TENM2: variants seen among roughly 807,000 people sequenced by gnomAD.
TENM2 encodes the protein teneurin transmembrane protein 2.
A neutral mutation model predicts 245.2 loss-of-function variants in TENM2; 52 were observed. That is an observed-to-expected ratio of 0.21 (90% confidence interval 0.17 to 0.27). The LOEUF (loss-of-function observed/expected upper bound fraction) is 0.27, where lower values mean the gene tolerates loss of function less well. Among genes scored for constraint, TENM2 ranks in the 10% least tolerant of loss-of-function variants. The probability of loss-of-function intolerance (pLI) is 1.00; values close to 1 mark genes in which losing one functional copy is unlikely to be tolerated. For synonymous variants in TENM2, 1,363 were observed against 1,438.9 expected (o/e 0.95, Z 1.19); for missense variants, 3,046 against 3,666.8 (o/e 0.83, Z 4.37).
intron 3 of TENM2, among the ~76,000 whole-genome samples, chr5:167,922,407 A>G (rs1355662114): frequency 6.7e-6 from 1 of 149,288 alleles, no homozygotes; most frequent in African/African-American, 2.5e-5. Flanking sequence ...GAATCACCAT[A>G]TCTCCCTAGA....
At chr5:167,774,378 G>C (rs908632343) in intron 2 of TENM2, among the ~76,000 whole-genome samples, 11 of 152,154 alleles carry the variant, frequency 7.2e-5, no homozygotes. Flanking sequence ...ACACCCCTTA[G>C]AGTTTACTTG....
chr5:167,069,818 T>C, the TENM2 span, among the ~76,000 whole-genome samples: 21 of 152,090 alleles, frequency 1.4e-4, no homozygotes, highest in Middle Eastern at 3.4e-3. Flanking sequence ...CTTGAAAATA[T>C]AGATCAAATC....
chr5:167,407,846 T>G (rs757100632), intron 2 of TENM2, among the ~76,000 whole-genome samples: 30 of 152,170 alleles, frequency 2.0e-4, no homozygotes, highest in Admixed American at 1.0e-3. Context: ...AACCACAAAC[T>G]GGCAGAAATT....
At chr5:167,112,550 A>G in the TENM2 span, among the ~76,000 whole-genome samples, 1 of 152,224 alleles carries the variant, frequency 6.6e-6, no homozygotes, top group Non-Finnish European at 1.5e-5. Flanking sequence ...GTTTCGGTCC[A>G]CTATCTCATA....
At chr5:167,808,521 A>G (rs1766398846) in intron 2 of TENM2, among the ~76,000 whole-genome samples, 1 of 152,182 alleles carries the variant, frequency 6.6e-6, no homozygotes, top group African/African-American at 2.4e-5. Flanking sequence ...CAGTCTCCCA[A>G]AATGCTAGAA....
chr5:168,063,011 A>G (rs886543831), intron 7 of TENM2, among the ~76,000 whole-genome samples: 5 of 152,206 alleles, frequency 3.3e-5, no homozygotes, highest in Admixed American at 3.3e-4. Context: ...AGTTATTCAC[A>G]GTGTCGTATG....
In TENM2 at chr5:167,881,905, T is replaced by C. The variant is rs538152407; in HGVS notation, c.712+5710T>C. Among the ~76,000 whole-genome samples the C allele has an allele frequency of 3.3e-5, 5 of 152,316 alleles. No individual in the cohort carries two copies. In the South Asian group the frequency reaches 1.0e-3, roughly 32 times the overall value. On this transcript the variant is annotated intron_variant, in intron 3 of 28. Transcript: ENST00000518659. ...TAAGTACTTTACATGACTTTCTTCA[T>C]GTACTTGTATTTAGTCCCTGCCACC...
intron 7 of TENM2, among the ~76,000 whole-genome samples, chr5:168,075,454 TC>T (rs527332776): frequency 1.2e-4 from 18 of 152,112 alleles, no homozygotes; most frequent in Non-Finnish European, 2.5e-4. Context: ...GAAAACTGTA[TC>T]CACCTCAGTA....
intron 1 of TENM2, among the ~76,000 whole-genome samples, chr5:167,368,286 A>G (rs1760187087): frequency 6.6e-6 from 1 of 152,102 alleles, no homozygotes; most frequent in Admixed American, 6.5e-5. Flanking sequence ...TGAATGATGC[A>G]TATTTTTTTT....
intron 2 of TENM2, among the ~76,000 whole-genome samples, chr5:167,827,027 T>C (rs1011959162): frequency 3.3e-5 from 5 of 152,236 alleles, no homozygotes; most frequent in African/African-American, 1.2e-4. Flanking sequence ...AAGTAGAAAC[T>C]GACTGTATCC....
intron 2 of TENM2, among the ~76,000 whole-genome samples, chr5:167,590,937 G>A (rs1390112959): frequency 6.6e-6 from 1 of 152,102 alleles, no homozygotes; most frequent in East Asian, 1.9e-4. Context: ...ATGCATATCT[G>A]TTAACAAAAT....
At chr5:167,823,314 G>A (rs1281655429) in intron 2 of TENM2, among the ~76,000 whole-genome samples, 1 of 152,050 alleles carries the variant, frequency 6.6e-6, no homozygotes, top group Non-Finnish European at 1.5e-5. Flanking sequence ...GGGCAGTGAA[G>A]GTAATTACCG....
the TENM2 span, among the ~76,000 whole-genome samples, chr5:167,260,281 C>T: frequency 6.6e-6 from 1 of 151,522 alleles, no homozygotes; most frequent in Non-Finnish European, 1.5e-5. Context: ...ATTGTTTGTT[C>T]CTTTTTGGAG....
At chr5:167,444,116 G>T (rs1015830676) in intron 2 of TENM2, among the ~76,000 whole-genome samples, 2 of 152,036 alleles carry the variant, frequency 1.3e-5, no homozygotes, top group Admixed American at 6.6e-5. Context: ...AGATTCTACT[G>T]ATTCAAGAAA....
At chr5:167,693,840 G>T (rs981036009) in intron 2 of TENM2, among the ~76,000 whole-genome samples, 9 of 152,120 alleles carry the variant, frequency 5.9e-5, no homozygotes, top group Non-Finnish European at 2.9e-5. Context: ...ATGTTGTAGT[G>T]CCACCATCAC....
At chr5:168,226,109 G>T (rs1444924577) in exon 24 of TENM2, 3 of 1,613,548 alleles carry the variant, frequency 1.9e-6, no homozygotes. Flanking sequence ...AAGGCCGCCT[G>T]ACCAACGTGA....
intron 1 of TENM2, among the ~76,000 whole-genome samples, chr5:167,341,619 A>T (rs1368871947): frequency 6.6e-6 from 1 of 152,098 alleles, no homozygotes; most frequent in Non-Finnish European, 1.5e-5. Flanking sequence ...ATTGAAAAAA[A>T]ATCTGTCTTA....
chr5:168,034,764 C>T (rs1787512214), intron 5 of TENM2, among the ~76,000 whole-genome samples: 1 of 151,688 alleles, frequency 6.6e-6, no homozygotes, highest in Admixed American at 6.6e-5. Context: ...AGAGGGAGAC[C>T]CTATCTCAAA....
At chr5:167,524,186 T>C (rs757807898) in intron 2 of TENM2, among the ~76,000 whole-genome samples, 2 of 152,222 alleles carry the variant, frequency 1.3e-5, no homozygotes, top group South Asian at 2.1e-4. Context: ...TGATAAACTG[T>C]GTATTTCTTT....
Sources: allele counts gnomAD v4.1 joint callset (sites outside exome capture counted in the v4.1 genomes callset), GRCh38; gene constraint gnomAD v4.1.1; transcripts MANE v1.5; gene names NCBI Gene and HGNC (gene_info 2026-07-23, HGNC 2026-07-21).